The following APOBEC3H variants were observed in gnomAD, a reference collection of about 807,000 sequenced individuals.
APOBEC3H encodes the protein DNA dC->dU-editing enzyme APOBEC-3H.
In APOBEC3H, 8 loss-of-function variants were observed where a neutral mutation model predicts 21.2. That is an observed-to-expected ratio of 0.38 (90% CI 0.22 to 0.68). The LOEUF (loss-of-function observed/expected upper bound fraction) is 0.68, where lower values mean the gene tolerates loss of function less well. Among genes scored for constraint, APOBEC3H ranks in the 30% least tolerant of loss-of-function variants. The pLI, the probability that APOBEC3H is intolerant of heterozygous loss-of-function variation, is 0.52. For synonymous variants in APOBEC3H, 88 were observed against 91.0 expected (o/e 0.97, Z 0.19); for missense variants, 229 against 228.1 (o/e 1.00, Z -0.03).
intron 2 of APOBEC3H, 199 bp downstream of exon 2, chr22:39,100,627 C>T: frequency 1.6e-6 from 1 of 644,602 alleles, no homozygotes; most frequent in Non-Finnish European, 2.5e-6. Flanking sequence ...CACTCCCATT[C>T]TTTCCCGTCC....
Position 39,102,044 on chromosome 22 carries a change from T to C in APOBEC3H, c.543+2T>C. The stretch of plus-strand genomic sequence containing the variant: ...AAGCGACGGCTTGAGAGGATAAAGG[T>C]GAGGCACTGTCCTGCCTGCTGCCCC... On this transcript the variant is annotated splice_donor_variant, in intron 4 of 4. Coordinates refer to ENST00000442487, the MANE Select transcript of APOBEC3H (RefSeq NM_181773.5). LOFTEE classifies it high-confidence loss of function. 1 of 1,613,340 alleles carries C rather than the reference T, an allele frequency of 6.2e-7. No homozygotes were observed. The highest frequency in any genetic ancestry group is 1.3e-5 in the African/African-American group (1 of 74,950).
chr22:39,100,845 C>T (rs1929273113), intron 2 of APOBEC3H, among the ~76,000 whole-genome samples: 1 of 152,024 alleles, frequency 6.6e-6, no homozygotes, highest in South Asian at 2.1e-4. Flanking sequence ...CCCCCCGCCC[C>T]GGCTCTCACC....
intron 4 of APOBEC3H, chr22:39,102,475 C>T: frequency 3.8e-6 from 2 of 531,528 alleles, no homozygotes; most frequent in South Asian, 3.3e-5. Flanking sequence ...TTTTTGTGTT[C>T]TCCTCTCGCA....
At chr22:39,099,452 G>C (rs1459082707) in intron 1 of APOBEC3H, among the ~76,000 whole-genome samples, 2 of 152,204 alleles carry the variant, frequency 1.3e-5, no homozygotes, top group Non-Finnish European at 2.9e-5. Context: ...CTCCCCAAGG[G>C]GAAGGGTTCT....
rs1409762965 is a variant in APOBEC3H at position 39,101,633 on chromosome 22, C to CG, written c.418+135dup. On this transcript the variant is annotated intron_variant, in intron 3 of 4. Coordinates refer to ENST00000442487, the MANE Select transcript of APOBEC3H (RefSeq NM_181773.5). ...GCGGGGGCGGGTTGGAGGAGGTTGG[C>CG]GGGGGGTGGGGGCGGGTTGGAGGAG... 14 of 192,952 alleles carry CG rather than the reference C, an allele frequency of 7.3e-5. No homozygotes were observed. The East Asian group carries it at 1.3e-3, about 18-fold the overall frequency. 12.0% of individuals were successfully genotyped at this position (192,952 alleles called of 1,614,324 possible).
chr22:39,100,006 G>A (rs559849715), intron 1 of APOBEC3H, among the ~76,000 whole-genome samples: 1 of 152,190 alleles, frequency 6.6e-6, no homozygotes, highest in Admixed American at 6.5e-5. Flanking sequence ...AACCCCGTCT[G>A]TACTAAAAAT....
At chr22:39,099,154 C>A (rs1049557618) in intron 1 of APOBEC3H, among the ~76,000 whole-genome samples, 2 of 152,052 alleles carry the variant, frequency 1.3e-5, no homozygotes, top group Non-Finnish European at 2.9e-5. Context: ...GTGGAGCTTG[C>A]AGTGAGCTGA....
rs1191118549 is a variant in APOBEC3H, at chr22:39,101,423, T to C, written c.337T>C (p.Tyr113His). ...GGGCATCTTCGCCTCCCGCCTGTAC[T>C]ACCACTGGTGCAAGCCCCAGCAGAA... ...NLGIFASRLY[Y>H]HWCKPQQKGL... is the part of the protein sequence containing the mutation. Residue 113 changes from tyrosine (Y) to histidine (H), a missense_variant, in exon 3 of 5, where the codon TAC becomes CAC. Physicochemically the swap from Tyr to His is moderately conservative, Grantham distance 83. Coordinates refer to ENST00000442487, the MANE Select transcript of APOBEC3H (RefSeq NM_181773.5). 1 of 1,611,922 alleles carries C rather than the reference T, an allele frequency of 6.2e-7. No homozygotes were observed. The highest frequency in any genetic ancestry group is 8.5e-7 in the Non-Finnish European group (1 of 1,179,556).
intron 4 of APOBEC3H, among the ~76,000 whole-genome samples, 172 bp downstream of exon 4, chr22:39,102,214 TCTCGGCTCAGTGCAAC>T (rs1295801789): frequency 2.0e-5 from 3 of 151,598 alleles, no homozygotes; most frequent in African/African-American, 7.3e-5. Context: ...AGTGGTGTGA[TCTCGGCTCAGTGCAAC>T]CTCTGCCTCC....
At position 39,100,278 on chromosome 22, in the gene APOBEC3H, G is replaced by A. The variant is rs368714381; in HGVS notation, c.-1G>A. The A allele has an allele frequency of 1.1e-5, 17 of 1,611,564 alleles. No homozygotes were observed. The highest frequency in any genetic ancestry group is 1.6e-4 in the Middle Eastern group (1 of 6,064). On this transcript the variant is annotated 5_prime_UTR_variant, in exon 2 of 5. Transcript: ENST00000442487. ...TCCCCTTTCTGTTGCACAGAAACACGATGGCTCTGTTAACAGCCGAAACAT... is the reference window on the plus strand; with the variant it reads ...TCCCCTTTCTGTTGCACAGAAACACAATGGCTCTGTTAACAGCCGAAACAT...
chr22:39,100,206 C>T, intron 1 of APOBEC3H, 66 bp from the exon 2 acceptor site: 2 of 1,544,568 alleles, frequency 1.3e-6, no homozygotes, highest in African/African-American at 1.4e-5. Flanking sequence ...TGAAAAGTGG[C>T]TTGAGCCTGG....
At chr22:39,102,963 A>C (rs1321887355) in intron 4 of APOBEC3H, among the ~76,000 whole-genome samples, 3 of 27,378 alleles carry the variant, frequency 1.1e-4, no homozygotes, top group African/African-American at 7.0e-4. Context: ...ACTCTGTCCC[A>C]AAAAAAAAAA....
intron 4 of APOBEC3H, among the ~76,000 whole-genome samples, chr22:39,103,165 G>A (rs59749439): frequency 0.022 from 3,379 of 151,586 alleles, 111 homozygotes; most frequent in African/African-American, 0.077. Flanking sequence ...GCATGTGCCC[G>A]TGGTCCCAGC....
intron 1 of APOBEC3H, among the ~76,000 whole-genome samples, chr22:39,098,782 G>A (rs1929139262): frequency 6.6e-6 from 1 of 152,070 alleles, no homozygotes; most frequent in Non-Finnish European, 1.5e-5. Flanking sequence ...GGACTTGGAG[G>A]CTTGAAATGC....
intron 2 of APOBEC3H, 82 bp downstream of exon 2, chr22:39,100,510 C>T (rs1929251457): frequency 5.3e-6 from 8 of 1,519,124 alleles, no homozygotes; most frequent in Non-Finnish European, 7.1e-6. Flanking sequence ...AAATGCCTGC[C>T]TATAAATTTC....
In APOBEC3H at chr22:39,101,458, G is replaced by T. The variant is rs1312545620; in HGVS notation, c.372G>T (p.Arg124=). The change falls in exon 3 of 5, where the codon CGG becomes CGT. Residue 124 remains arginine (R), a synonymous_variant. Transcript: ENST00000442487. ...GCAAGCCCCAGCAGAAGGGGCTGCG[G>T]CTTCTGTGTGGATCCCAGGTCCCGG... The part of the protein sequence containing the change: ...HWCKPQQKGL[R]LLCGSQVPVE... 6.2e-7 allele frequency: 1 copy of T among 1,611,244 alleles called. No individual in the cohort carries two copies. The highest frequency in any genetic ancestry group is 2.2e-5 in the East Asian group (1 of 44,768).
At chr22:39,098,457 G>C (rs988718474) in intron 1 of APOBEC3H, among the ~76,000 whole-genome samples, 1 of 152,044 alleles carries the variant, frequency 6.6e-6, no homozygotes, top group Non-Finnish European at 1.5e-5. Flanking sequence ...GGGCAACACA[G>C]GGAGACCCCC....
chr22:39,101,895 C>T (rs768755703), intron 3 of APOBEC3H, 23 bp from the exon 4 acceptor site: 7 of 1,613,688 alleles, frequency 4.3e-6, no homozygotes, highest in African/African-American at 1.3e-5. Flanking sequence ...TGGGGCCTGG[C>T]TGGTTTCCCT....
At chr22:39,101,540 C>A (rs767092387) in intron 3 of APOBEC3H, 36 bp downstream of exon 3, 2 of 1,572,160 alleles carry the variant, frequency 1.3e-6, no homozygotes, top group East Asian at 2.3e-5. Flanking sequence ...AGAGTGCAAA[C>A]CCCCGGGGGC....
Sources: gnomAD v4.1 joint callset for allele counts (sites outside exome capture counted in the v4.1 genomes callset) on GRCh38, gnomAD v4.1.1 for gene constraint, MANE v1.5 for transcripts, NCBI Gene and HGNC (gene_info 2026-07-23, HGNC 2026-07-21) for gene names.